ATP2B2: variants seen among roughly 807,000 people sequenced by gnomAD.
ATP2B2 encodes ATPase plasma membrane Ca2+ transporting 2.
In ATP2B2, 15 loss-of-function variants were observed where a neutral mutation model predicts 120.0. That is an observed-to-expected ratio of 0.12 (90% CI 0.08 to 0.19). The LOEUF (loss-of-function observed/expected upper bound fraction) is 0.19. Ranked by LOEUF, ATP2B2 falls within the 10% of genes least tolerant of loss-of-function variation. The probability of loss-of-function intolerance (pLI) is 1.00; values close to 1 mark genes in which losing one functional copy is unlikely to be tolerated. For synonymous variants in ATP2B2, 694 were observed against 700.3 expected (o/e 0.99, Z 0.14); for missense variants, 1,045 against 1,719.8 (o/e 0.61, Z 6.94).
chr3:10,546,333 C>T (rs1163226076), intron 2 of ATP2B2, among the ~76,000 whole-genome samples: 1 of 152,144 alleles, frequency 6.6e-6, no homozygotes, highest in East Asian at 1.9e-4. Flanking sequence ...ACTTCTTTAC[C>T]ACCTTCAGCC....
At chr3:10,602,473 G>C (rs952091469) in intron 2 of ATP2B2, among the ~76,000 whole-genome samples, 1 of 152,162 alleles carries the variant, frequency 6.6e-6, no homozygotes, top group Admixed American at 6.5e-5. Flanking sequence ...ACTGGCTCAG[G>C]GTTAATGTGC....
At position 10,584,101 on chromosome 3, in the gene ATP2B2, C is replaced by T. The variant is rs140584050; in HGVS notation, c.-415+35816G>A. Among the ~76,000 whole-genome samples the T allele has an allele frequency of 2.0e-3, 311 of 152,164 alleles. 1 individual carries two copies. The highest frequency in any genetic ancestry group is 7.1e-3 in the African/African-American group (295 of 41,512). On this transcript the variant is annotated intron_variant, in intron 2 of 21. Coordinates refer to the ATP2B2 transcript ENST00000646379. Reference sequence around the variant, plus strand: ...GTGGTTATTAAGCCAAAGAAACTTGCGAGGAAGAGAGCTTTCCGCTTGGAC... The same window carrying T: ...GTGGTTATTAAGCCAAAGAAACTTGTGAGGAAGAGAGCTTTCCGCTTGGAC...
At chr3:10,359,740 G>T in intron 13 of ATP2B2, 142 bp downstream of exon 13, 1 of 1,215,610 alleles carries the variant, frequency 8.2e-7, no homozygotes. Context: ...GCCCTCTGTG[G>T]CTCTGGGTGC....
At chr3:10,368,468 T>C (rs1474589640) in intron 12 of ATP2B2, among the ~76,000 whole-genome samples, 1 of 151,736 alleles carries the variant, frequency 6.6e-6, no homozygotes, top group African/African-American at 2.4e-5. Flanking sequence ...CATTCGTCCA[T>C]TCATCCATCC....
intron 2 of ATP2B2, among the ~76,000 whole-genome samples, chr3:10,591,471 ACTGTGGCGC>A (rs1238676624): frequency 6.6e-6 from 1 of 152,084 alleles, no homozygotes; most frequent in Non-Finnish European, 1.5e-5. Context: ...AGAGCTCACC[ACTGTGGCGC>A]CCTGCTCTCT....
chr3:10,406,656 T>C (rs9839685), intron 3 of ATP2B2, among the ~76,000 whole-genome samples: 25,090 of 152,242 alleles, frequency 0.16, 5,513 homozygotes, highest in African/African-American at 0.51. Flanking sequence ...GGTATGATGA[T>C]GAAATTGCCT....
At position 10,347,053 on chromosome 3, in the gene ATP2B2, G is replaced by A. The variant is rs532022268; in HGVS notation, c.2405-916C>T. 7.2e-5 allele frequency among the ~76,000 whole-genome samples: 11 copies of A among 152,050 alleles called. No individual in the cohort carries two copies. Among genetic ancestry groups the A allele is most frequent in the African/African-American group, 1.2e-4 (5 of 41,456 alleles). On this transcript the variant is annotated intron_variant, in intron 16 of 22. Transcript: ENST00000360273. The surrounding 1 kb of genome is among the most constrained non-coding windows in gnomAD (Gnocchi z 5.2). Reference sequence around the variant, plus strand: ...TAACACCCATGTCTGAACCAGTTCCGTCCCCCAGCCATCCCCGGAATGTCG... The same window carrying A: ...TAACACCCATGTCTGAACCAGTTCCATCCCCCAGCCATCCCCGGAATGTCG...
At position 10,327,590 on chromosome 3, in the gene ATP2B2, A is replaced by G. The variant is rs1430954510; in HGVS notation, c.*1224T>C. 2.0e-5 allele frequency: 3 copies of G among 152,672 alleles called. No homozygotes were observed. Among genetic ancestry groups the G allele is most frequent in the East Asian group, 3.8e-4 (2 of 5,198 alleles). The allele number at this position is 152,672 out of a possible 1,614,324, so 9.5% of individuals were successfully genotyped here. ...TTTATAATATTTCAACACTACCTCA[A>G]TCTCTGTACAGACAGTGCCAAAGAG... On this transcript the variant is annotated 3_prime_UTR_variant, in exon 23 of 23. Coordinates refer to ENST00000360273, the MANE Select transcript of ATP2B2 (RefSeq NM_001001331.4).
intron 2 of ATP2B2, among the ~76,000 whole-genome samples, chr3:10,606,991 AG>A (rs2069104029): frequency 2.8e-5 from 1 of 35,138 alleles, no homozygotes; most frequent in Non-Finnish European, 7.6e-5. Flanking sequence ...AGAAAGAGAG[AG>A]AGAGAGACAG....
chr3:10,338,561 T>C, intron 21 of ATP2B2, among the ~76,000 whole-genome samples: 1 of 149,388 alleles, frequency 6.7e-6, no homozygotes. Flanking sequence ...GAGATGGAGT[T>C]TCACTCTTGT....
intron 12 of ATP2B2, among the ~76,000 whole-genome samples, chr3:10,365,566 C>G (rs866849432): frequency 4.0e-5 from 6 of 151,866 alleles, no homozygotes; most frequent in Middle Eastern, 3.4e-3. Context: ...ACCCCAGGAG[C>G]CTTCCCCAGC....
chr3:10,447,040 C>T (rs1453247433), intron 2 of ATP2B2, among the ~76,000 whole-genome samples: 2 of 152,244 alleles, frequency 1.3e-5, no homozygotes, highest in African/African-American at 4.8e-5. Flanking sequence ...ACCTTCCCTT[C>T]CATGAAGCCT....
intron 1 of ATP2B2, among the ~76,000 whole-genome samples, chr3:10,637,445 G>A (rs1008132903): frequency 2.0e-5 from 3 of 152,278 alleles, no homozygotes; most frequent in Non-Finnish European, 4.4e-5. Context: ...AGACATAGAA[G>A]ATATAACAAA....
Position 10,350,416 on chromosome 3 carries a change from G to A in ATP2B2, c.2298C>T (p.Ile766=). The change falls in exon 15 of 23, where the codon ATC becomes ATT. Residue 766 remains isoleucine, a synonymous_variant. Transcript: ENST00000360273. ...CACGCACCTCCCCCTTCTCGTTGCG[G>A]ATCCTCCTGTTGAACTCCTTGCCCT... is the stretch of plus-strand genomic sequence containing the variant. ...CLEGKEFNRR[I]RNEKGEIEQE... 1 of 1,614,224 alleles carries A rather than the reference G, an allele frequency of 6.2e-7. No individual in the cohort carries two copies. The highest frequency in any genetic ancestry group is 8.5e-7 in the Non-Finnish European group (1 of 1,180,016).
rs117502040 is a variant in ATP2B2, at chr3:10,457,075, G to A, written c.-319-7213C>T. The stretch of plus-strand genomic sequence containing the variant: ...TGATGGTGAGTGTGGATGTAAGCAG[G>A]CATGCCAATGTGAGTGTGCTAGATC... On this transcript the variant is annotated intron_variant, in intron 1 of 22. Transcript: ENST00000360273. Among the ~76,000 whole-genome samples, 11 of 152,282 alleles carry A rather than the reference G, an allele frequency of 7.2e-5. No individual in the cohort carries two copies. In the East Asian group the frequency reaches 2.1e-3, roughly 29 times the overall value.
chr3:10,579,803 C>T (rs1237534677), intron 2 of ATP2B2, among the ~76,000 whole-genome samples: 2 of 69,112 alleles, frequency 2.9e-5, no homozygotes, highest in Non-Finnish European at 6.6e-5. Flanking sequence ...GAGCGAGACT[C>T]CGTCTTGAAA....
chr3:10,635,617 T>C lies in ATP2B2; in HGVS notation c.-459-15656A>G, dbSNP rs1272595893. On this transcript the variant is annotated intron_variant, in intron 1 of 21. Coordinates refer to the ATP2B2 transcript ENST00000646379. This position sits in a 1 kb window ranked among gnomAD's most constrained non-coding sequence, Gnocchi z 4.3. ...AGAATGATCTGCCACAATTTGGCCC[T>C]AGTGGAAAATTCCACTAGCACCTCC... Among the ~76,000 whole-genome samples the C allele has an allele frequency of 2.0e-5, 3 of 152,142 alleles. No individual in the cohort carries two copies. The highest frequency in any genetic ancestry group is 2.9e-5 in the Non-Finnish European group (2 of 68,004).
At chr3:10,557,024 G>A (rs768886554) in intron 2 of ATP2B2, among the ~76,000 whole-genome samples, 14 of 152,188 alleles carry the variant, frequency 9.2e-5, no homozygotes, top group African/African-American at 3.4e-4. Flanking sequence ...ACACCAGGCT[G>A]TGATGGTGGT....
Position 10,358,871 on chromosome 3 carries a change from G to C in ATP2B2, c.1956C>G (p.Asp652Glu). 10 of 1,614,138 alleles carry C rather than the reference G, an allele frequency of 6.2e-6. No homozygotes were observed. Among genetic ancestry groups the C allele is most frequent in the Non-Finnish European group, 8.5e-6 (10 of 1,180,036 alleles). Residue 652 changes from aspartate to glutamate, a missense_variant, in exon 14 of 23, where the codon GAC becomes GAG. Physicochemically the swap from Asp to Glu is conservative, Grantham distance 45 (BLOSUM62 2). Coordinates refer to ENST00000360273, the MANE Select transcript of ATP2B2 (RefSeq NM_001001331.4). Reference protein sequence around the residue: ...AGEPRVFRPRDRDEMVKKVIE... With the variant: ...AGEPRVFRPRERDEMVKKVIE... The stretch of plus-strand genomic sequence containing the variant: ...TCACCTTCTTTACCATCTCGTCCCG[G>C]TCGCGGGGCCGGAAGACACGAGGCT...
Sources: gnomAD v4.1 joint callset for allele counts (sites outside exome capture counted in the v4.1 genomes callset) on GRCh38, gnomAD v4.1.1 for gene constraint, Gnocchi (gnomAD v3.1) non-coding constraint, MANE v1.5 for transcripts, NCBI Gene and HGNC (gene_info 2026-07-23, HGNC 2026-07-21) for gene names.